The following XDH variants were observed in gnomAD, a reference collection of about 807,000 sequenced individuals.
XDH encodes xanthine dehydrogenase.
Under a neutral mutation model 156.1 loss-of-function variants are expected in XDH, and 138 were observed. The ratio of observed to expected loss-of-function variants is 0.88; its 90% CI spans 0.77 to 1.02. XDH has a LOEUF of 1.02. XDH is among the 50% of genes least tolerant of loss of function. The probability of loss-of-function intolerance (pLI) is 0.00; values close to 1 mark genes in which losing one functional copy is unlikely to be tolerated. For missense variants in XDH, 1,849 were observed against 1,684.9 expected, an observed-to-expected ratio of 1.10 and a Z score of -1.71; for synonymous variants, 669 against 625.7, an observed-to-expected ratio of 1.07 and a Z score of -1.03.
chr2:31,337,233 C>G (rs947143759), intron 35 of XDH, among the ~76,000 whole-genome samples: 5 of 152,064 alleles, frequency 3.3e-5, no homozygotes, highest in South Asian at 2.1e-4. Flanking sequence ...ATTATTTCCT[C>G]TTTTTCCCTC....
Position 31,394,325 on chromosome 2 carries a change from A to G in XDH, c.495+3343T>C, listed in dbSNP as rs1037935831. 5.9e-5 allele frequency among the ~76,000 whole-genome samples: 9 copies of G among 152,110 alleles called. No individual in the cohort carries two copies. In the South Asian group the frequency reaches 1.9e-3, roughly 31 times the overall value. ...TTAGGTGCTTTGGTTTTTTCTTTCA[A>G]TACTTTAAGTATTTCTCTCCATGCC... On this transcript the variant is annotated intron_variant, in intron 6 of 35. Transcript: ENST00000379416.
Position 31,401,233 on chromosome 2 carries a change from A to C in XDH, c.293T>G (p.Leu98Arg). Residue 98 changes from leucine to arginine, a missense_variant, in exon 4 of 36, where the codon CTG (leucine) becomes CGG (arginine). Physicochemically the swap from Leu to Arg is moderately radical, Grantham distance 102. Coordinates refer to ENST00000379416, the MANE Select transcript of XDH (RefSeq NM_000379.4). ...TCCTCTGTTTACCTGCACAGGATGC[A>C]GCCTCGTCTTGGTGCTTCCTATTCC... is the stretch of plus-strand genomic sequence containing the variant. ...VEGIGSTKTR[L>R]HPVQERIAKS... 1 of 1,614,216 alleles carries C rather than the reference A, an allele frequency of 6.2e-7. No homozygotes were observed. Among genetic ancestry groups the C allele is most frequent in the Non-Finnish European group, 8.5e-7 (1 of 1,180,036 alleles).
At chr2:31,375,683 T>C in intron 14 of XDH, 129 bp from the exon 15 acceptor site, 4 of 1,037,898 alleles carry the variant, frequency 3.9e-6, no homozygotes, top group Non-Finnish European at 5.7e-6. Flanking sequence ...TACTTAGAGT[T>C]GGGTGACTTT....
intron 3 of XDH, 25 bp downstream of exon 3, chr2:31,403,023 T>A: frequency 6.2e-7 from 1 of 1,613,350 alleles, no homozygotes; most frequent in African/African-American, 1.3e-5. Flanking sequence ...CCCATGTGGG[T>A]GGTCAGCCAG....
intron 6 of XDH, among the ~76,000 whole-genome samples, chr2:31,393,831 G>T (rs1686835813): frequency 1.4e-5 from 2 of 144,182 alleles, no homozygotes; most frequent in African/African-American, 2.6e-5. Context: ...TTGCCCTAGA[G>T]TTTGCAGTAT....
chr2:31,398,694 T>A lies in XDH; in HGVS notation c.312A>T (p.Arg104Ser), dbSNP rs1181485595. 1.2e-6 allele frequency: 2 copies of A among 1,613,910 alleles called. No homozygotes were observed. The highest frequency in any genetic ancestry group is 1.3e-5 in the African/African-American group (1 of 75,032). The change falls in exon 5 of 36, where the codon AGA becomes AGT. Residue 104 changes from arginine (R) to serine (S), a missense_variant. Transcript: ENST00000379416. ...TKTRLHPVQE[R>S]IAKSHGSQCG... is the part of the protein sequence containing the mutation. ...ACTGGGAGCCGTGGCTTTTGGCAATTCTCTCCTAAAAGATACAGATGACAT... is the reference window on the plus strand; with the variant it reads ...ACTGGGAGCCGTGGCTTTTGGCAATACTCTCCTAAAAGATACAGATGACAT...
At chr2:31,366,184 CA>C (rs1685911721) in intron 21 of XDH, 75 bp from the exon 22 acceptor site, 1 of 1,611,258 alleles carries the variant, frequency 6.2e-7, no homozygotes, top group Non-Finnish European at 8.5e-7. Context: ...AGAGCCTGTC[CA>C]ACATGCATGG....
At chr2:31,348,861 G>T (rs960064396) in intron 27 of XDH, 38 bp downstream of exon 27, 19 of 1,577,080 alleles carry the variant, frequency 1.2e-5, no homozygotes, top group Non-Finnish European at 1.7e-5. Context: ...TGGGGTCCCA[G>T]TCCAGCGGAG....
At chr2:31,366,287 CAGCAT>C (rs1685913971) in intron 21 of XDH, among the ~76,000 whole-genome samples, 178 bp from the exon 22 acceptor site, 1 of 152,180 alleles carries the variant, frequency 6.6e-6, no homozygotes, top group Non-Finnish European at 1.5e-5. Context: ...AGACTGAATT[CAGCAT>C]TGGTTTTTAA....
At chr2:31,368,420 T>G (rs1267101790) in intron 19 of XDH, 121 bp downstream of exon 19, 40 of 1,330,674 alleles carry the variant, frequency 3.0e-5, no homozygotes, top group Non-Finnish European at 4.0e-5. Context: ...TGAAAGGGAT[T>G]TAAAAACCCA....
chr2:31,411,298 A>G (rs1313318585), intron 1 of XDH, among the ~76,000 whole-genome samples: 1 of 151,726 alleles, frequency 6.6e-6, no homozygotes. Context: ...AAAAAAAAAA[A>G]AAGAATATAT....
In XDH at chr2:31,369,039, G is replaced by T. The variant is rs45514101; in HGVS notation, c.1981-379C>A. The stretch of plus-strand genomic sequence containing the variant: ...TTCCTATGGAGACTCAGAAGGCAAG[G>T]CCACATTTGGCTAGTTACTATTGAC... On this transcript the variant is annotated intron_variant, in intron 18 of 35. Transcript: ENST00000379416. 1.1e-3 allele frequency among the ~76,000 whole-genome samples: 172 copies of T among 152,242 alleles called. 4 individuals carry two copies. In the East Asian group the frequency reaches 0.032, roughly 28 times the overall value.
intron 1 of XDH, among the ~76,000 whole-genome samples, chr2:31,413,204 T>A (rs1250967897): frequency 1.3e-5 from 2 of 152,198 alleles, no homozygotes; most frequent in African/African-American, 2.4e-5. Flanking sequence ...ATGTAAAAAT[T>A]ACTAATAAAA....
At chr2:31,372,684 G>A (rs1686109785) in intron 16 of XDH, among the ~76,000 whole-genome samples, 1 of 152,188 alleles carries the variant, frequency 6.6e-6, no homozygotes, top group Non-Finnish European at 1.5e-5. Flanking sequence ...ACAATAGTAT[G>A]CAACCATTAA....
At chr2:31,364,329 A>C (rs1361919231) in intron 23 of XDH, 85 bp from the exon 24 acceptor site, 1 of 1,336,452 alleles carries the variant, frequency 7.5e-7, no homozygotes, top group African/African-American at 1.4e-5. Flanking sequence ...CCTCCCACTT[A>C]TGTCACCTGG....
chr2:31,405,443 T>C (rs1338627391), intron 2 of XDH, among the ~76,000 whole-genome samples: 2 of 152,260 alleles, frequency 1.3e-5, no homozygotes, highest in East Asian at 3.9e-4. Flanking sequence ...CTACAATGAA[T>C]GCTACCTGTA....
chr2:31,336,002 T>G lies in XDH; in HGVS notation c.3958A>C (p.Thr1320Pro), dbSNP rs1334094711. 6.2e-7 allele frequency: 1 copy of G among 1,614,174 alleles called. No individual in the cohort carries two copies. The highest frequency in any genetic ancestry group is 1.7e-5 in the Admixed American group (1 of 60,028). Reference protein sequence around the residue: ...CVDKFTTLCVTGVPENCKPWS... With the variant: ...CVDKFTTLCVPGVPENCKPWS... ...GGTTTGCAGTTTTCTGGGACACCAG[T>G]GACACACTAGGAAGGAATGATAGTG... Residue 1320 changes from threonine (T) to proline (P), a missense_variant, in exon 36 of 36, where the codon ACT (threonine) becomes CCT (proline). Transcript: ENST00000379416.
chr2:31,350,629 C>A (rs556513561), intron 24 of XDH, among the ~76,000 whole-genome samples: 5 of 152,096 alleles, frequency 3.3e-5, no homozygotes, highest in Non-Finnish European at 7.3e-5. Flanking sequence ...CCGCCTTGGC[C>A]TCCCAAAGTG....
Position 31,339,524 on chromosome 2 carries a change from C to G in XDH, c.3739G>C (p.Asp1247His). Residue 1247 changes from aspartate to histidine, a missense_variant, in exon 34 of 36, where the codon GAC becomes CAC. Transcript: ENST00000379416. ...PIEFRVSLLR[D>H]CPNKKAIYAS... The stretch of plus-strand genomic sequence containing the variant: ...TAGATGGCCTTCTTGTTGGGGCAGT[C>G]GCGGAGCAGGGACACCCTGAACTCA... 6.2e-7 allele frequency: 1 copy of G among 1,614,178 alleles called. No individual in the cohort carries two copies. Among genetic ancestry groups the G allele is most frequent in the Middle Eastern group, 1.7e-4 (1 of 6,054 alleles).
Sources: gnomAD v4.1 joint callset for allele counts (sites outside exome capture counted in the v4.1 genomes callset) on GRCh38, gnomAD v4.1.1 for gene constraint, MANE v1.5 for transcripts, NCBI Gene and HGNC (gene_info 2026-07-23, HGNC 2026-07-21) for gene names.